Variants in TRIM24 observed in about 807,000 individuals in gnomAD.
TRIM24 encodes the protein tripartite motif containing 24, also known as transcription intermediary factor 1-alpha.
A neutral mutation model predicts 123.9 loss-of-function variants in TRIM24; 29 were observed. That is an observed-to-expected ratio of 0.23 (90% CI 0.17 to 0.32). The LOEUF is 0.32. Among genes scored for constraint, TRIM24 ranks in the 10% least tolerant of loss-of-function variants. The pLI is 1.00. For synonymous variants in TRIM24, 456 were observed against 461.1 expected, an observed-to-expected ratio of 0.99 and a Z score of 0.14; for missense variants, 932 against 1,295.3, an observed-to-expected ratio of 0.72 and a Z score of 4.31.
At chr7:138,506,943 A>G (rs1228708248) in intron 2 of TRIM24, among the ~76,000 whole-genome samples, 1 of 152,188 alleles carries the variant, frequency 6.6e-6, no homozygotes, top group Non-Finnish European at 1.5e-5. Context: ...GTTACCACCC[A>G]GAGAGAACTT....
At chr7:138,534,132 G>A in intron 6 of TRIM24, among the ~76,000 whole-genome samples, 1 of 151,640 alleles carries the variant, frequency 6.6e-6, no homozygotes, top group East Asian at 1.9e-4. Context: ...CTTGCTAGCG[G>A]TCTATTTTGT....
chr7:138,537,039 G>A (rs1796893097), intron 6 of TRIM24, among the ~76,000 whole-genome samples: 1 of 152,176 alleles, frequency 6.6e-6, no homozygotes, highest in African/African-American at 2.4e-5. Flanking sequence ...ATCTCCTGGT[G>A]TGCTGTTTGC....
rs1796120512 is a variant in TRIM24, at chr7:138,504,951, G to A, written c.483+543G>A. 2.0e-5 allele frequency among the ~76,000 whole-genome samples: 3 copies of A among 151,460 alleles called. No individual in the cohort carries two copies. In the South Asian group the frequency reaches 6.2e-4, roughly 31 times the overall value. ...AATTTTTGTATTTTTAGTAGACATG[G>A]CATTTCACCATGTTGGCCAGGCTGG... is the stretch of plus-strand genomic sequence containing the variant. On this transcript the variant is annotated intron_variant, in intron 2 of 18. Transcript: ENST00000343526.
chr7:138,500,040 C>T (rs1416050758), intron 1 of TRIM24, among the ~76,000 whole-genome samples: 1 of 152,120 alleles, frequency 6.6e-6, no homozygotes, highest in Non-Finnish European at 1.5e-5. Flanking sequence ...TCATTTAACT[C>T]ACTTGTGTTG....
Position 138,529,243 on chromosome 7 carries a change from C to T in TRIM24, c.996+13C>T. ...GCATCAGTTAGAGGTAAGTGACTGC[C>T]CATGGGATAGTATATTGATTCAACA... On this transcript the variant is annotated intron_variant, in intron 6 of 18. Coordinates refer to ENST00000343526, the MANE Select transcript of TRIM24 (RefSeq NM_015905.3). 7.5e-7 allele frequency: 1 copy of T among 1,336,140 alleles called. No individual in the cohort carries two copies. Among genetic ancestry groups the T allele is most frequent in the Middle Eastern group, 1.9e-4 (1 of 5,332 alleles). 82.8% of individuals were successfully genotyped at this position (1,336,140 alleles called of 1,614,324 possible). A position where few individuals can be genotyped will look rare whatever the true frequency, so the allele number is the denominator to read the frequency against.
intron 9 of TRIM24, among the ~76,000 whole-genome samples, chr7:138,561,080 A>G (rs1285515349): frequency 1.3e-5 from 2 of 152,160 alleles, no homozygotes; most frequent in African/African-American, 4.8e-5. Context: ...TGAACATGCA[A>G]TGTGGCAAAG....
At chr7:138,561,086 C>T (rs548303409) in intron 9 of TRIM24, among the ~76,000 whole-genome samples, 5 of 152,250 alleles carry the variant, frequency 3.3e-5, no homozygotes, top group African/African-American at 1.2e-4. Context: ...TGCAATGTGG[C>T]AAAGGCATAT....
At chr7:138,543,288 C>T (rs75434911) in intron 7 of TRIM24, among the ~76,000 whole-genome samples, 2,009 of 152,192 alleles carry the variant, frequency 0.013, 41 homozygotes, top group African/African-American at 0.046. Flanking sequence ...ACCAGTATTA[C>T]CATATTCTTG....
chr7:138,568,735 T>G (rs911834440), intron 10 of TRIM24, among the ~76,000 whole-genome samples: 3 of 71,446 alleles, frequency 4.2e-5, no homozygotes, highest in African/African-American at 1.0e-4. Context: ...TTTCTGTGTT[T>G]TACATTATCT....
intron 3 of TRIM24, among the ~76,000 whole-genome samples, chr7:138,517,662 C>T (rs894364878): frequency 1.3e-5 from 2 of 152,148 alleles, no homozygotes; most frequent in Non-Finnish European, 2.9e-5. Flanking sequence ...ATGTGAGCCA[C>T]CACGCCTGGT....
At position 138,466,463 on chromosome 7, in the gene TRIM24, C is replaced by CTTTTTTTTTTTTTTTTTT. The variant is rs577317171; in HGVS notation, c.364+5552_364+5569dup. Among the ~76,000 whole-genome samples the CTTTTTTTTTTTTTTTTTT allele has an allele frequency of 5.7e-4, 42 of 74,062 alleles. 9 individuals carry two copies. The highest frequency in any genetic ancestry group is 9.0e-4 in the Admixed American group (4 of 4,462). 48.6% of individuals were successfully genotyped at this position (74,062 alleles called of 152,430 possible). A position where few individuals can be genotyped will look rare whatever the true frequency, so the allele number is the denominator to read the frequency against. ...TTTGCAAATTTCAAAACTTAAGTTG[C>CTTTTTTTTTTTTTTTTTT]TTTTTTTTTTTTTTTTTTGGAGACA... is the stretch of plus-strand genomic sequence containing the variant. On this transcript the variant is annotated intron_variant, in intron 1 of 18. Coordinates refer to ENST00000343526, the MANE Select transcript of TRIM24 (RefSeq NM_015905.3).
At chr7:138,473,429 TC>T (rs1281667789) in intron 1 of TRIM24, among the ~76,000 whole-genome samples, 9 of 152,254 alleles carry the variant, frequency 5.9e-5, no homozygotes, top group Non-Finnish European at 8.8e-5. Context: ...CACATGATTG[TC>T]TTTCTGTCCC....
At chr7:138,476,109 A>G (rs1795390974) in intron 1 of TRIM24, among the ~76,000 whole-genome samples, 1 of 152,184 alleles carries the variant, frequency 6.6e-6, no homozygotes. Flanking sequence ...ATAATAGAAG[A>G]CCTAAAATCC....
At chr7:138,582,119 C>T (rs538412336) in intron 17 of TRIM24, among the ~76,000 whole-genome samples, 53 of 152,294 alleles carry the variant, frequency 3.5e-4, no homozygotes, top group Middle Eastern at 3.4e-3. Context: ...CTCCCTGCTA[C>T]ATTTTCCGTA....
intron 6 of TRIM24, among the ~76,000 whole-genome samples, chr7:138,537,388 T>TG (rs1563051839): frequency 1.6e-5 from 2 of 126,528 alleles, no homozygotes; most frequent in African/African-American, 3.1e-5. Flanking sequence ...TGTTTTTTTT[T>TG]TTTTTTTTTT....
At chr7:138,575,148 T>C (rs1156257573) in intron 12 of TRIM24, among the ~76,000 whole-genome samples, 1 of 152,180 alleles carries the variant, frequency 6.6e-6, no homozygotes, top group African/African-American at 2.4e-5. Flanking sequence ...TAAAAGTATG[T>C]TTAAAACTGG....
At chr7:138,543,766 A>G (rs751123393) in intron 7 of TRIM24, among the ~76,000 whole-genome samples, 1 of 152,186 alleles carries the variant, frequency 6.6e-6, no homozygotes, top group African/African-American at 2.4e-5. Flanking sequence ...TAAAATCCAT[A>G]ACATTTTTGA....
chr7:138,479,309 T>C (rs1019797736), intron 1 of TRIM24, among the ~76,000 whole-genome samples: 1 of 152,170 alleles, frequency 6.6e-6, no homozygotes, highest in African/African-American at 2.4e-5. Flanking sequence ...GTTCCTTGTC[T>C]GCTATATTTT....
At chr7:138,477,198 G>A (rs546566450) in intron 1 of TRIM24, among the ~76,000 whole-genome samples, 40 of 152,208 alleles carry the variant, frequency 2.6e-4, no homozygotes, top group Non-Finnish European at 5.0e-4. Flanking sequence ...GCTCACACCT[G>A]TAATCCCACA....
Sources: gnomAD v4.1 joint callset for allele counts (sites outside exome capture counted in the v4.1 genomes callset) on GRCh38, gnomAD v4.1.1 for gene constraint, MANE v1.5 for transcripts, NCBI Gene and HGNC (gene_info 2026-07-23, HGNC 2026-07-21) for gene names.